GLB1L3: variants seen among roughly 807,000 people sequenced by gnomAD.
The protein encoded by GLB1L3 is galactosidase beta 1 like 3, also known as beta-galactosidase-1-like protein 3.
Under a neutral mutation model 89.5 loss-of-function variants are expected in GLB1L3, and 89 were observed. That is an observed-to-expected ratio of 0.99 (90% CI 0.84 to 1.19). The LOEUF (loss-of-function observed/expected upper bound fraction) is 1.19. GLB1L3 is among the 50% of genes most tolerant of loss of function. GLB1L3 has a pLI of 0.00. For missense variants in GLB1L3, 812 were observed against 813.3 expected (o/e 1.00, Z 0.02); for synonymous variants, 314 against 312.3 (o/e 1.01, Z -0.06).
chr11:134,308,475 TACCACCACCACC>T (rs1223184668), intron 10 of GLB1L3, among the ~76,000 whole-genome samples: 5 of 20,384 alleles, frequency 2.5e-4, no homozygotes, highest in South Asian at 1.9e-3. Flanking sequence ...CACCACCAAA[TACCACCACCACC>T]ATCACCACCA....
chr11:134,293,067 G>T, intron 8 of GLB1L3, 78 bp from the exon 9 acceptor site: 1 of 1,200,842 alleles, frequency 8.3e-7, no homozygotes. Flanking sequence ...GCGTGCGTCC[G>T]GGCCGGGGGC....
At chr11:134,285,737 A>T in intron 6 of GLB1L3, among the ~76,000 whole-genome samples, 1 of 152,002 alleles carries the variant, frequency 6.6e-6, no homozygotes, top group Non-Finnish European at 1.5e-5. Flanking sequence ...GTGCCTCTGA[A>T]CTCCAGCCTG....
intron 6 of GLB1L3, among the ~76,000 whole-genome samples, chr11:134,286,823 AATAG>A (rs34514053): frequency 0.31 from 46,905 of 151,304 alleles, 7,551 homozygotes; most frequent in Non-Finnish European, 0.35. Flanking sequence ...GCATTAAAAT[AATAG>A]ATAGGTAGGC....
downstream of GLB1L3, among the ~76,000 whole-genome samples, chr11:134,322,117 G>A (rs1830812790): frequency 6.6e-6 from 1 of 152,072 alleles, no homozygotes; most frequent in Non-Finnish European, 1.5e-5. Flanking sequence ...GAAAGTCCAA[G>A]GATAAAAAAT....
intron 5 of GLB1L3, among the ~76,000 whole-genome samples, chr11:134,282,988 C>T (rs1416964497): frequency 6.6e-6 from 1 of 152,164 alleles, no homozygotes; most frequent in Non-Finnish European, 1.5e-5. Context: ...GGCACGTAGG[C>T]TCCTGCCCTG....
chr11:134,285,102 G>C (rs1940909709), intron 6 of GLB1L3, among the ~76,000 whole-genome samples: 1 of 151,736 alleles, frequency 6.6e-6, no homozygotes, highest in Non-Finnish European at 1.5e-5. Flanking sequence ...CTAACTTTTT[G>C]TATTTTTAGT....
chr11:134,322,257 G>T (rs1001906399), downstream of GLB1L3, among the ~76,000 whole-genome samples: 1 of 152,122 alleles, frequency 6.6e-6, no homozygotes, highest in African/African-American at 2.4e-5. Context: ...TCCTGAGAAA[G>T]ATATACTAAT....
chr11:134,318,405 T>G (rs1250340219), intron 18 of GLB1L3, among the ~76,000 whole-genome samples: 1 of 152,218 alleles, frequency 6.6e-6, no homozygotes, highest in Admixed American at 6.5e-5. Flanking sequence ...ATATATCACA[T>G]AACAGGAACA....
chr11:134,313,949 G>T lies in GLB1L3; in HGVS notation c.1588G>T (p.Gly530Ter). The T allele has an allele frequency of 6.2e-7, 1 of 1,607,912 alleles. No homozygotes were observed. The highest frequency in any genetic ancestry group is 1.1e-5 in the South Asian group (1 of 90,630). Residue 530 changes from glycine (G) to a stop codon, truncating the protein, a stop_gained, in exon 17 of 20, where the codon GGA (glycine) becomes TGA (stop). Coordinates refer to ENST00000431683, the MANE Select transcript of GLB1L3 (RefSeq NM_001080407.3). LOFTEE classifies it high-confidence loss of function. ...CCCATCTGCATCTGCAGGAATAACT[G>T]GATCTGTCAGCATCAATAACTCTTC... Reference protein sequence around the residue: ...QIQNEQKGITGSVSINNSSLE... With the variant: ...QIQNEQKGIT
Position 134,276,642 on chromosome 11 carries a change from C to G in GLB1L3, c.-99C>G, listed in dbSNP as rs1940382445. ...GCAGCGCGCAGACCTGAGCCTGCCCCGCGGAACCGGGGCTCGAGTCCCGGC... is the reference window on the plus strand; with the variant it reads ...GCAGCGCGCAGACCTGAGCCTGCCCGGCGGAACCGGGGCTCGAGTCCCGGC... On this transcript the variant is annotated 5_prime_UTR_variant, in exon 1 of 20. Transcript: ENST00000431683. 3 of 1,152,404 alleles carry G rather than the reference C, an allele frequency of 2.6e-6. No individual in the cohort carries two copies. The highest frequency in any genetic ancestry group is 2.3e-5 in the South Asian group (1 of 43,932). The allele number at this position is 1,152,404 out of a possible 1,614,324, so 71.4% of individuals were successfully genotyped here.
chr11:134,305,488 G>A (rs1022249590), intron 9 of GLB1L3, among the ~76,000 whole-genome samples: 1 of 152,188 alleles, frequency 6.6e-6, no homozygotes, highest in African/African-American at 2.4e-5. Flanking sequence ...CACAGAGGAT[G>A]TTGTTTGTGT....
intron 9 of GLB1L3, among the ~76,000 whole-genome samples, chr11:134,300,791 C>T (rs1035437085): frequency 6.6e-6 from 1 of 152,170 alleles, no homozygotes; most frequent in Non-Finnish European, 1.5e-5. Flanking sequence ...CTTATGAGGA[C>T]CCCGGTGACA....
At chr11:134,280,456 C>A (rs1940622300) in intron 3 of GLB1L3, among the ~76,000 whole-genome samples, 1 of 152,074 alleles carries the variant, frequency 6.6e-6, no homozygotes, top group Non-Finnish European at 1.5e-5. Context: ...TTATTACATG[C>A]CGACTTTTAA....
rs1565426457 is a variant in GLB1L3, at chr11:134,319,424, A to T, written c.*482A>T. 3 of 153,144 alleles carry T rather than the reference A, an allele frequency of 2.0e-5. No homozygotes were observed. Among genetic ancestry groups the T allele is most frequent in the Non-Finnish European group, 1.5e-5 (1 of 68,722 alleles). The allele number at this position is 153,144 out of a possible 1,614,324, so 9.5% of individuals were successfully genotyped here. A position where few individuals can be genotyped will look rare whatever the true frequency, so the allele number is the denominator to read the frequency against. On this transcript the variant is annotated 3_prime_UTR_variant, in exon 20 of 20. Coordinates refer to ENST00000431683, the MANE Select transcript of GLB1L3 (RefSeq NM_001080407.3). Reference sequence around the variant, plus strand: ...ATGTATTTTGTAGTCTATCTATATGATGCCTATTTTTAGGCTTTAAAAAGT... The same window carrying T: ...ATGTATTTTGTAGTCTATCTATATGTTGCCTATTTTTAGGCTTTAAAAAGT...
intron 9 of GLB1L3, among the ~76,000 whole-genome samples, 180 bp downstream of exon 9, chr11:134,293,389 C>G (rs939409934): frequency 6.6e-6 from 1 of 152,102 alleles, no homozygotes; most frequent in Non-Finnish European, 1.5e-5. Flanking sequence ...GGAGGGAACC[C>G]TGCTTGTGTC....
At chr11:134,296,859 T>TAATAATAATAAC in intron 9 of GLB1L3, among the ~76,000 whole-genome samples, 1 of 131,846 alleles carries the variant, frequency 7.6e-6, no homozygotes, top group Admixed American at 7.5e-5. Context: ...ATAATAATAA[T>TAATAATAATAAC]AATAAAAACA....
chr11:134,311,754 C>T (rs1195012076), intron 13 of GLB1L3: 1 of 152,500 alleles, frequency 6.6e-6, no homozygotes, highest in African/African-American at 2.4e-5. Flanking sequence ...TGCTTGGTGC[C>T]TCATTCATTG....
At chr11:134,294,724 C>G (rs1144221) in intron 9 of GLB1L3, among the ~76,000 whole-genome samples, 1 of 152,046 alleles carries the variant, frequency 6.6e-6, no homozygotes, top group African/African-American at 2.4e-5. Context: ...CACATAAGCG[C>G]GCTCATGCAG....
downstream of GLB1L3, among the ~76,000 whole-genome samples, chr11:134,322,315 A>G (rs1943177766): frequency 1.3e-5 from 2 of 152,230 alleles, no homozygotes; most frequent in Admixed American, 1.3e-4. Flanking sequence ...ATGTAAAGCA[A>G]ACATTTCCAG....
Sources: allele counts gnomAD v4.1 joint callset (sites outside exome capture counted in the v4.1 genomes callset), GRCh38; gene constraint gnomAD v4.1.1; transcripts MANE v1.5; gene names NCBI Gene and HGNC (gene_info 2026-07-23, HGNC 2026-07-21).